KIR2DL4: variants seen among roughly 807,000 people sequenced by gnomAD.
The protein encoded by KIR2DL4 is killer cell immunoglobulin-like receptor 2DL4.
In KIR2DL4, 41 loss-of-function variants were observed where a neutral mutation model predicts 31.0. That is an observed-to-expected ratio of 1.32 (90% confidence interval 1.03 to 1.72). The LOEUF is 1.72. Among genes scored for constraint, KIR2DL4 ranks in the 40% most tolerant of loss-of-function variants. The pLI, the probability that KIR2DL4 is intolerant of heterozygous loss-of-function variation, is 0.00. For synonymous variants in KIR2DL4, 164 were observed against 133.6 expected (o/e 1.23, Z -1.57); for missense variants, 438 against 353.7 (o/e 1.24, Z -1.91).
chr19:54,814,498 A>G (rs2061102574), exon 8 of KIR2DL4: 4 of 254,596 alleles, frequency 1.6e-5, no homozygotes, highest in African/African-American at 2.3e-5. Context: ...CTCCTCTTCA[A>G]ATAAACATGT....
At chr19:54,813,460 G>A (rs2147985749) in intron 6 of KIR2DL4, among the ~76,000 whole-genome samples, 1 of 150,374 alleles carries the variant, frequency 6.7e-6, no homozygotes, top group East Asian at 2.0e-4. Flanking sequence ...ACATCCAGGA[G>A]AAGATTCCAT....
intron 5 of KIR2DL4, among the ~76,000 whole-genome samples, chr19:54,809,789 A>G (rs2060747684): frequency 6.6e-6 from 1 of 151,460 alleles, no homozygotes; most frequent in African/African-American, 2.4e-5. Flanking sequence ...TATTGGAAAC[A>G]CCAAGATAAT....
chr19:54,807,132 G>T lies in KIR2DL4; in HGVS notation c.655+888G>T, dbSNP rs2060577330. On this transcript the variant is annotated intron_variant, in intron 4 of 7. Coordinates refer to ENST00000359085, the Ensembl canonical transcript of KIR2DL4. ...TCATGAGGTCCACCTTTTACATCCT[G>T]CATGTGAGTAAGAAATGGCAATCCT... Among the ~76,000 whole-genome samples, 3 of 151,148 alleles carry T rather than the reference G, an allele frequency of 2.0e-5. No homozygotes were observed. In the South Asian group the frequency reaches 6.4e-4, roughly 32 times the overall value.
intron 2 of KIR2DL4, 72 bp from the exon 3 acceptor site, chr19:54,804,721 A>T: frequency 6.7e-7 from 1 of 1,484,204 alleles, no homozygotes; most frequent in South Asian, 1.3e-5. Flanking sequence ...AATGGGGAGA[A>T]TCTTCTGAGC....
chr19:54,805,494 G>A (rs1027708292), intron 3 of KIR2DL4, among the ~76,000 whole-genome samples: 23 of 151,184 alleles, frequency 1.5e-4, no homozygotes, highest in Non-Finnish European at 3.2e-4. Context: ...GGAAGACCAC[G>A]AGCCACGAAG....
At position 54,806,201 on chromosome 19, in the gene KIR2DL4, C is replaced by G; in HGVS notation, c.612C>G (p.Tyr204Ter). ...TCGGCTCTTTCCATGGATCTCCCTA[C>G]GAGTGGTCAGACCCGAGTGACCCAC... The change falls in exon 4 of 8, where the codon TAC becomes TAG. Residue 204 changes from tyrosine to a stop codon, truncating the protein, a stop_gained. Transcript: ENST00000359085. LOFTEE classifies it high-confidence loss of function. 6.2e-7 allele frequency: 1 copy of G among 1,610,772 alleles called. No individual in the cohort carries two copies. Among genetic ancestry groups the G allele is most frequent in the East Asian group, 2.2e-5 (1 of 44,820 alleles).
At chr19:54,813,010 G>A (rs2060956383) in intron 5 of KIR2DL4, 1 of 709,022 alleles carries the variant, frequency 1.4e-6, no homozygotes, top group Non-Finnish European at 2.3e-6. Flanking sequence ...CGCCTCGTGG[G>A]TGCTTGTCTT....
At chr19:54,808,319 T>C (rs2060648721) in intron 4 of KIR2DL4, among the ~76,000 whole-genome samples, 1 of 151,386 alleles carries the variant, frequency 6.6e-6, no homozygotes, top group South Asian at 2.1e-4. Context: ...TGTTTCCTTT[T>C]AGACATTTAA....
Position 54,806,246 on chromosome 19 carries a change from T to C in KIR2DL4, c.655+2T>C. The C allele has an allele frequency of 6.2e-7, 1 of 1,608,614 alleles. No homozygotes were observed. The highest frequency in any genetic ancestry group is 8.5e-7 in the Non-Finnish European group (1 of 1,178,072). ...ACCCACTGCCTGTTTCTGTCACAGGTGAGGAAAGCCAATGTCTGTCCCATG... is the reference window on the plus strand; with the variant it reads ...ACCCACTGCCTGTTTCTGTCACAGGCGAGGAAAGCCAATGTCTGTCCCATG... On this transcript the variant is annotated splice_donor_variant, in intron 4 of 7. Transcript: ENST00000359085. LOFTEE classifies it high-confidence loss of function.
In KIR2DL4 at chr19:54,803,922, C is replaced by T. The variant is rs373153736; in HGVS notation, c.72C>T (p.His24=). 26 of 1,609,306 alleles carry T rather than the reference C, an allele frequency of 1.6e-5. 1 individual carries two copies. Among genetic ancestry groups the T allele is most frequent in the African/African-American group, 4.1e-5 (3 of 73,256 alleles). ...TCTTGGACCAGAGTGTGTGGGCACA[C>T]GTGGGTGAGTCCTTCCCCAAATGAT... The change falls in exon 2 of 8, where the codon CAC becomes CAT. Residue 24 remains histidine (H), a synonymous_variant. Coordinates refer to ENST00000359085, the Ensembl canonical transcript of KIR2DL4.
In KIR2DL4 at chr19:54,807,329, C is replaced by CA. The variant is rs1386943322; in HGVS notation, c.655+1086dup. On this transcript the variant is annotated intron_variant, in intron 4 of 7. Transcript: ENST00000359085. ...CTACTGTGAACAGTGCTGGAACAGT[C>CA]ATGGGAGTGCAGATGTCACTTCAAT... Among the ~76,000 whole-genome samples, 11 of 151,506 alleles carry CA rather than the reference C, an allele frequency of 7.3e-5. 1 individual carries two copies. The highest frequency in any genetic ancestry group is 1.3e-4 in the Admixed American group (2 of 15,222).
intron 3 of KIR2DL4, among the ~76,000 whole-genome samples, 173 bp from the exon 4 acceptor site, chr19:54,805,772 TGCCACC>T (rs1277401268): frequency 6.6e-6 from 1 of 150,852 alleles, no homozygotes; most frequent in African/African-American, 2.5e-5. Context: ...GCACTGCTGA[TGCCACC>T]ACCAGGCTGG....
intron 5 of KIR2DL4, among the ~76,000 whole-genome samples, chr19:54,809,963 CTTA>C (rs2060759545): frequency 1.3e-5 from 2 of 149,612 alleles, no homozygotes; most frequent in Non-Finnish European, 3.0e-5. Flanking sequence ...GGGCGGCATT[CTTA>C]TCCTTTCCAC....
In KIR2DL4 at chr19:54,808,782, T is replaced by G. The variant is rs1330698501; in HGVS notation, c.656-51T>G. The G allele has an allele frequency of 2.4e-6, 3 of 1,266,630 alleles. 1 individual carries two copies. Among genetic ancestry groups the G allele is most frequent in the Non-Finnish European group, 3.4e-6 (3 of 888,716 alleles). 78.5% of individuals were successfully genotyped at this position (1,266,630 alleles called of 1,614,324 possible). A position where few individuals can be genotyped will look rare whatever the true frequency, so the allele number is the denominator to read the frequency against. On this transcript the variant is annotated intron_variant, in intron 4 of 7. Coordinates refer to ENST00000359085, the Ensembl canonical transcript of KIR2DL4. ...ACCAACCTCAAAGATTTCCATTGAGTAGAAGACAGGCATCCTCATTGCCAC... is the reference window on the plus strand; with the variant it reads ...ACCAACCTCAAAGATTTCCATTGAGGAGAAGACAGGCATCCTCATTGCCAC...
At chr19:54,805,329 G>A (rs2060447938) in intron 3 of KIR2DL4, among the ~76,000 whole-genome samples, 1 of 151,406 alleles carries the variant, frequency 6.6e-6, no homozygotes, top group Admixed American at 6.6e-5. Context: ...TCAGGTTGTT[G>A]ATGAGTTGAC....
intron 5 of KIR2DL4, among the ~76,000 whole-genome samples, chr19:54,811,426 AT>A (rs1316765440): frequency 3.3e-5 from 5 of 151,354 alleles, no homozygotes; most frequent in African/African-American, 1.2e-4. Context: ...ATACATAAAT[AT>A]AATATAACAT....
intron 4 of KIR2DL4, among the ~76,000 whole-genome samples, chr19:54,806,569 C>T (rs1438986622): frequency 1.3e-5 from 2 of 151,094 alleles, no homozygotes; most frequent in African/African-American, 4.9e-5. Context: ...CAGAAGCCCA[C>T]CCTGGCCTCT....
At chr19:54,808,461 T>C (rs1467910069) in intron 4 of KIR2DL4, among the ~76,000 whole-genome samples, 1 of 151,060 alleles carries the variant, frequency 6.6e-6, no homozygotes, top group African/African-American at 2.5e-5. Flanking sequence ...ATGACTGTCC[T>C]TTCCAGATTG....
intron 4 of KIR2DL4, among the ~76,000 whole-genome samples, chr19:54,808,329 A>G (rs1156705458): frequency 6.6e-6 from 1 of 151,210 alleles, no homozygotes; most frequent in Non-Finnish European, 1.5e-5. Context: ...TAGACATTTA[A>G]TGGATTCAGG....
Sources: gnomAD v4.1 joint callset for allele counts (sites outside exome capture counted in the v4.1 genomes callset) on GRCh38, gnomAD v4.1.1 for gene constraint, MANE v1.5 for transcripts, NCBI Gene and HGNC (gene_info 2026-07-23, HGNC 2026-07-21) for gene names.